Variants in AIG1 observed in about 807,000 individuals in gnomAD.
The protein encoded by AIG1 is androgen-induced gene 1 protein.
Under a neutral mutation model 31.4 loss-of-function variants are expected in AIG1, and 23 were observed. The ratio of observed to expected loss-of-function variants is 0.73; its 90% CI spans 0.53 to 1.04. The LOEUF (loss-of-function observed/expected upper bound fraction) is 1.04. AIG1 is among the 50% of genes least tolerant of loss of function. The pLI, the probability that AIG1 is intolerant of heterozygous loss-of-function variation, is 0.00. For missense variants in AIG1, 274 were observed against 295.0 expected (o/e 0.93, Z 0.52); for synonymous variants, 100 against 110.5 (o/e 0.90, Z 0.60).
intron 1 of AIG1, among the ~76,000 whole-genome samples, chr6:143,089,421 T>C (rs1779102116): frequency 6.6e-6 from 1 of 152,176 alleles, no homozygotes; most frequent in Non-Finnish European, 1.5e-5. Context: ...GTGAGCTTAT[T>C]ACCTTCTGTA....
rs1757235097 is a variant in AIG1 at position 143,326,673 on chromosome 6, G to A, written c.516-6609G>A. ...TCTGTCCTAATCTGATGGATCAGGGGAGACTTTCCCGGAGTAAGTGATAAT... is the reference window on the plus strand; with the variant it reads ...TCTGTCCTAATCTGATGGATCAGGGAAGACTTTCCCGGAGTAAGTGATAAT... On this transcript the variant is annotated intron_variant, in intron 4 of 5. Transcript: ENST00000357847. The surrounding 1 kb of genome is among the most constrained non-coding windows in gnomAD (Gnocchi z 4.5). Among the ~76,000 whole-genome samples, 1 of 152,178 alleles carries A rather than the reference G, an allele frequency of 6.6e-6. No homozygotes were observed.
In AIG1 at chr6:143,327,202, G is replaced by T. The variant is rs1008959819; in HGVS notation, c.516-6080G>T. 2 of 167,992 alleles carry T rather than the reference G, an allele frequency of 1.2e-5. No individual in the cohort carries two copies. The highest frequency in any genetic ancestry group is 1.3e-5 in the Non-Finnish European group (1 of 79,390). The allele number at this position is 167,992 out of a possible 1,614,324, so 10.4% of individuals were successfully genotyped here. On this transcript the variant is annotated intron_variant, in intron 4 of 5. Coordinates refer to ENST00000357847, the MANE Select transcript of AIG1 (RefSeq NM_016108.4). This position sits in a 1 kb window ranked among gnomAD's most constrained non-coding sequence, Gnocchi z 5.3. ...ATCAACATATTAGAGAGATGTAAGG[G>T]GTAACCTTGATAAGACAAGCTAATG...
Position 143,284,355 on chromosome 6 carries a change from G to A in AIG1, c.515+130G>A. On this transcript the variant is annotated intron_variant, in intron 4 of 5. Coordinates refer to ENST00000357847, the MANE Select transcript of AIG1 (RefSeq NM_016108.4). The surrounding 1 kb of genome is among the most constrained non-coding windows in gnomAD (Gnocchi z 4.4). ...GTGCCGCATTTGGTCCAAGACCTGG[G>A]CTTTGTCTCGTTTCCCCAGATGCTT... 1 of 614,904 alleles carries A rather than the reference G, an allele frequency of 1.6e-6. No homozygotes were observed. 38.1% of individuals were successfully genotyped at this position (614,904 alleles called of 1,614,324 possible).
chr6:143,074,639 G>A (rs1777576394), intron 1 of AIG1, among the ~76,000 whole-genome samples: 1 of 152,152 alleles, frequency 6.6e-6, no homozygotes, highest in African/African-American at 2.4e-5. Flanking sequence ...GATTACCATA[G>A]CTTTGTAGTG....
At chr6:143,314,659 T>C (rs190306995) in intron 4 of AIG1, among the ~76,000 whole-genome samples, 1 of 152,226 alleles carries the variant, frequency 6.6e-6, no homozygotes, top group African/African-American at 2.4e-5. Flanking sequence ...CAAAAGAAAG[T>C]AGATGTGAGT....
chr6:143,148,595 A>G (rs185664508), intron 2 of AIG1, among the ~76,000 whole-genome samples: 3 of 151,676 alleles, frequency 2.0e-5, no homozygotes, highest in Admixed American at 2.0e-4. Flanking sequence ...GGAGGCTGAG[A>G]TGGGAGGATT....
At chr6:143,128,512 T>G (rs1490514650) in intron 1 of AIG1, among the ~76,000 whole-genome samples, 1 of 152,216 alleles carries the variant, frequency 6.6e-6, no homozygotes, top group East Asian at 1.9e-4. Flanking sequence ...GCAACTAGCC[T>G]GCTAAGAACC....
At chr6:143,152,768 C>G (rs985865507) in intron 2 of AIG1, among the ~76,000 whole-genome samples, 5 of 152,178 alleles carry the variant, frequency 3.3e-5, no homozygotes, top group African/African-American at 1.2e-4. Flanking sequence ...TTTCGCCACA[C>G]CCTACCCTCT....
chr6:143,086,897 C>T (rs570954665), intron 1 of AIG1, among the ~76,000 whole-genome samples: 1 of 152,266 alleles, frequency 6.6e-6, no homozygotes, highest in South Asian at 2.1e-4. Context: ...TGGCTTATGC[C>T]GGGAGTTCAG....
chr6:143,228,877 A>T (rs1793219549), intron 3 of AIG1, among the ~76,000 whole-genome samples: 1 of 152,240 alleles, frequency 6.6e-6, no homozygotes, highest in African/African-American at 2.4e-5. Flanking sequence ...TTTAAATTTA[A>T]GAGTTCAATT....
chr6:143,184,991 A>T (rs1789105387), intron 3 of AIG1, among the ~76,000 whole-genome samples: 1 of 152,090 alleles, frequency 6.6e-6, no homozygotes, highest in South Asian at 2.1e-4. Context: ...AGGTCAAGAG[A>T]TGGAGACCAT....
At chr6:143,110,014 A>G (rs1388156410) in intron 1 of AIG1, among the ~76,000 whole-genome samples, 1 of 152,054 alleles carries the variant, frequency 6.6e-6, no homozygotes, top group Non-Finnish European at 1.5e-5. Context: ...TGCCTTTCGC[A>G]TTTCTGGTCT....
rs959828044 is a variant in AIG1, at chr6:143,280,581, T to C, written c.400-3529T>C. 2.0e-5 allele frequency among the ~76,000 whole-genome samples: 3 copies of C among 152,174 alleles called. No homozygotes were observed. The highest frequency in any genetic ancestry group is 6.5e-5 in the Admixed American group (1 of 15,278). On this transcript the variant is annotated intron_variant, in intron 3 of 5. Coordinates refer to ENST00000357847, the MANE Select transcript of AIG1 (RefSeq NM_016108.4). The surrounding 1 kb of genome is among the most constrained non-coding windows in gnomAD (Gnocchi z 4.1). Reference sequence around the variant, plus strand: ...ATCACGTCTTTTGCAGGAGCATGGATGGAGATGGAGGCTGTAATCCTTAGC... The same window carrying C: ...ATCACGTCTTTTGCAGGAGCATGGACGGAGATGGAGGCTGTAATCCTTAGC...
At chr6:143,222,963 A>G (rs1670520184) in intron 3 of AIG1, among the ~76,000 whole-genome samples, 1 of 152,234 alleles carries the variant, frequency 6.6e-6, no homozygotes. Flanking sequence ...GAAAAGGGTA[A>G]CATTTTCCAA....
chr6:143,319,722 C>A (rs1776050501), intron 4 of AIG1, among the ~76,000 whole-genome samples: 1 of 151,722 alleles, frequency 6.6e-6, no homozygotes, highest in Admixed American at 6.6e-5. Flanking sequence ...AGCTAGATTA[C>A]CTTTTTAAAA....
intron 1 of AIG1, among the ~76,000 whole-genome samples, chr6:143,099,011 T>C (rs762716128): frequency 6.6e-6 from 1 of 152,236 alleles, no homozygotes; most frequent in African/African-American, 2.4e-5. Context: ...ATCTTCATAT[T>C]GACTAAAGTG....
intron 4 of AIG1, among the ~76,000 whole-genome samples, chr6:143,317,490 T>A (rs1057361163): frequency 1.3e-5 from 2 of 152,128 alleles, no homozygotes; most frequent in Non-Finnish European, 2.9e-5. Context: ...AAAATTGGCA[T>A]TGAAGGGGCA....
intron 5 of AIG1, among the ~76,000 whole-genome samples, chr6:143,336,840 C>CA (rs1346254111): frequency 6.6e-6 from 1 of 151,874 alleles, no homozygotes; most frequent in Non-Finnish European, 1.5e-5. Flanking sequence ...GGAAACCAGA[C>CA]AAAAAGTTAT....
intron 2 of AIG1, among the ~76,000 whole-genome samples, chr6:143,161,168 A>G (rs976981298): frequency 5.9e-5 from 9 of 152,200 alleles, no homozygotes; most frequent in African/African-American, 2.2e-4. Context: ...TCAAAAGACA[A>G]TAATGACCAA....
Sources: allele counts gnomAD v4.1 joint callset (sites outside exome capture counted in the v4.1 genomes callset), GRCh38; gene constraint gnomAD v4.1.1; non-coding constraint Gnocchi (gnomAD v3.1); transcripts MANE v1.5; gene names NCBI Gene and HGNC (gene_info 2026-07-23, HGNC 2026-07-21).